CDH8: variants seen among roughly 807,000 people sequenced by gnomAD.
CDH8 encodes cadherin 8, also known as cadherin-8.
Under a neutral mutation model 68.1 loss-of-function variants are expected in CDH8, and 17 were observed. That is an observed-to-expected ratio of 0.25 (90% CI 0.17 to 0.37). The LOEUF (loss-of-function observed/expected upper bound fraction) is 0.37, where lower values mean the gene tolerates loss of function less well. CDH8 is among the 10% of genes least tolerant of loss of function. The pLI is 1.00. For missense variants in CDH8, 763 were observed against 999.3 expected (o/e 0.76, Z 3.19); for synonymous variants, 372 against 365.1 (o/e 1.02, Z -0.21).
intron 4 of CDH8, among the ~76,000 whole-genome samples, chr16:61,850,163 G>A (rs559390961): frequency 5.3e-5 from 8 of 151,980 alleles, no homozygotes; most frequent in Non-Finnish European, 1.2e-4. Context: ...GCATCTGCCC[G>A]GCTTTTGGTG....
chr16:61,800,757 G>T (rs773436337), intron 7 of CDH8, among the ~76,000 whole-genome samples: 5 of 152,050 alleles, frequency 3.3e-5, no homozygotes, highest in South Asian at 2.1e-4. Context: ...CATTTCCACC[G>T]TGCTCTCTTC....
chr16:61,812,839 C>G (rs962390271), intron 7 of CDH8, among the ~76,000 whole-genome samples: 3 of 152,140 alleles, frequency 2.0e-5, no homozygotes, highest in African/African-American at 7.2e-5. Flanking sequence ...GATTTAACCT[C>G]TCGTCCTGCG....
At chr16:62,018,246 A>G (rs1351220891) in intron 2 of CDH8, among the ~76,000 whole-genome samples, 2 of 152,114 alleles carry the variant, frequency 1.3e-5, no homozygotes, top group African/African-American at 4.8e-5. Context: ...CTAAAAACAG[A>G]TGATGGATGC....
At chr16:61,973,433 T>C (rs753457048) in intron 2 of CDH8, among the ~76,000 whole-genome samples, 1 of 152,230 alleles carries the variant, frequency 6.6e-6, no homozygotes, top group Non-Finnish European at 1.5e-5. Context: ...AATAGGCACT[T>C]GTTTGCAGGA....
chr16:62,027,817 T>A (rs1902229996), intron 1 of CDH8, among the ~76,000 whole-genome samples: 1 of 152,160 alleles, frequency 6.6e-6, no homozygotes, highest in Admixed American at 6.5e-5. Context: ...AAGATCACCT[T>A]TCCTAAAGCC....
chr16:61,942,133 T>A (rs1964735134), intron 2 of CDH8, among the ~76,000 whole-genome samples: 1 of 152,170 alleles, frequency 6.6e-6, no homozygotes, highest in Non-Finnish European at 1.5e-5. Context: ...TCATTTTGAT[T>A]TTTTTTAAAG....
At chr16:62,032,201 T>A (rs906421098) in intron 1 of CDH8, among the ~76,000 whole-genome samples, 1 of 152,038 alleles carries the variant, frequency 6.6e-6, no homozygotes, top group Non-Finnish European at 1.5e-5. Flanking sequence ...CAAATCAGAG[T>A]AGCCAGAAAG....
intron 10 of CDH8, among the ~76,000 whole-genome samples, chr16:61,695,654 T>G (rs1331588868): frequency 6.6e-6 from 1 of 152,106 alleles, no homozygotes; most frequent in Non-Finnish European, 1.5e-5. Flanking sequence ...GCAAAATCAC[T>G]CCCAGTTGAG....
intron 3 of CDH8, among the ~76,000 whole-genome samples, chr16:61,885,689 T>C (rs1332243684): frequency 7.6e-6 from 1 of 131,252 alleles, no homozygotes; most frequent in Non-Finnish European, 1.6e-5. Flanking sequence ...GCAGCTCTAA[T>C]AATTACACAG....
At chr16:61,831,184 A>G (rs189293289) in intron 4 of CDH8, among the ~76,000 whole-genome samples, 152 of 151,932 alleles carry the variant, frequency 1.0e-3, no homozygotes, top group South Asian at 2.3e-3. Context: ...CTGGAACTTC[A>G]TTTTGAAAAT....
At chr16:61,694,883 G>A (rs970889153) in intron 10 of CDH8, among the ~76,000 whole-genome samples, 2 of 152,090 alleles carry the variant, frequency 1.3e-5, no homozygotes, top group East Asian at 1.9e-4. Context: ...CTGGGTTCAC[G>A]TGATTCTCCT....
chr16:61,908,232 C>CAGCT (rs1266339620), intron 2 of CDH8, among the ~76,000 whole-genome samples: 1 of 152,100 alleles, frequency 6.6e-6, no homozygotes, highest in Non-Finnish European at 1.5e-5. Flanking sequence ...AGAAACTGGG[C>CAGCT]AGCTGGCTAT....
At chr16:61,773,505 A>C (rs575725112) in intron 8 of CDH8, among the ~76,000 whole-genome samples, 1 of 152,210 alleles carries the variant, frequency 6.6e-6, no homozygotes, top group South Asian at 2.1e-4. Context: ...GAGAAATAAT[A>C]CAGATGTGAG....
chr16:61,728,885 A>C (rs534642674), intron 8 of CDH8, among the ~76,000 whole-genome samples: 1 of 151,302 alleles, frequency 6.6e-6, no homozygotes, highest in South Asian at 2.1e-4. Context: ...AAAAAACTGA[A>C]ACTCAGAAAT....
chr16:61,670,953 ATT>A (rs1963779758), intron 10 of CDH8, among the ~76,000 whole-genome samples: 1 of 152,078 alleles, frequency 6.6e-6, no homozygotes, highest in Non-Finnish European at 1.5e-5. Context: ...TCCACTTAAT[ATT>A]ATCAGACCAA....
intron 7 of CDH8, among the ~76,000 whole-genome samples, chr16:61,800,680 A>C (rs1961602696): frequency 6.6e-6 from 1 of 152,216 alleles, no homozygotes; most frequent in Non-Finnish European, 1.5e-5. Flanking sequence ...TTCCCCAGCA[A>C]GCAGACTTCA....
At chr16:61,683,429 G>A (rs1011245959) in intron 10 of CDH8, among the ~76,000 whole-genome samples, 2 of 151,970 alleles carry the variant, frequency 1.3e-5, no homozygotes, top group Non-Finnish European at 2.9e-5. Context: ...ATGACATAAT[G>A]TGTGTAGATT....
intron 10 of CDH8, among the ~76,000 whole-genome samples, chr16:61,706,436 T>C (rs1421839294): frequency 6.6e-6 from 1 of 151,486 alleles, no homozygotes; most frequent in Non-Finnish European, 1.5e-5. Context: ...GCTAACACGG[T>C]GAAACCTCGT....
intron 2 of CDH8, among the ~76,000 whole-genome samples, chr16:61,934,991 G>A (rs546137871): frequency 1.1e-4 from 17 of 152,222 alleles, no homozygotes; most frequent in Admixed American, 1.1e-3. Flanking sequence ...GAAATATTTT[G>A]AAATTTTAAC....
Sources: gnomAD v4.1 joint callset for allele counts (sites outside exome capture counted in the v4.1 genomes callset) on GRCh38, gnomAD v4.1.1 for gene constraint, MANE v1.5 for transcripts, NCBI Gene and HGNC (gene_info 2026-07-23, HGNC 2026-07-21) for gene names.